Variants in GSE1 observed in about 807,000 individuals in gnomAD.
GSE1 encodes the protein Gse1 coiled-coil protein.
In GSE1, 32 loss-of-function variants were observed where a neutral mutation model predicts 112.6. The observed-to-expected ratio is 0.28, with a 90% CI of 0.21 to 0.38. The LOEUF (loss-of-function observed/expected upper bound fraction) is 0.38, where lower values mean the gene tolerates loss of function less well. Ranked by LOEUF, GSE1 falls within the 10% of genes least tolerant of loss-of-function variation. The probability of loss-of-function intolerance (pLI) is 1.00; values close to 1 mark genes in which losing one functional copy is unlikely to be tolerated. For synonymous variants in GSE1, 1,115 were observed against 735.6 expected (o/e 1.52, Z -8.35); for missense variants, 2,348 against 1,699.2 (o/e 1.38, Z -6.71).
chr16:85,262,057 A>T (rs1264023076), intron 1 of GSE1, among the ~76,000 whole-genome samples: 92 of 152,296 alleles, frequency 6.0e-4, no homozygotes, highest in African/African-American at 2.2e-3. Context: ...CAAAGGACAG[A>T]GCCTGTTTTG....
rs866350143 is a variant in GSE1 at position 85,288,571 on chromosome 16, A to G, written c.2284-68892A>G. ...CCAGCTGGGGTCAGAAAAGTTTCAA[A>G]GAAGCCTCTGATCTGAAGGAGCCTC... On this transcript the variant is annotated intron_variant, in intron 1 of 2. Transcript: ENST00000637419. Among the ~76,000 whole-genome samples, 6 of 152,258 alleles carry G rather than the reference A, an allele frequency of 3.9e-5. No homozygotes were observed. The South Asian group carries it at 1.2e-3, about 32-fold the overall frequency.
Position 85,433,121 on chromosome 16 carries a change from C to A in GSE1, c.2464+75478C>A, listed in dbSNP as rs59512399. ...AGGGAGGCTCAGCACCAGCCCCAGG[C>A]AGGTGCTCTCTTGTTCAACAGAGGG... On this transcript the variant is annotated intron_variant, in intron 2 of 2. Transcript: ENST00000637419. Among the ~76,000 whole-genome samples the A allele has an allele frequency of 4.2e-3, 636 of 152,148 alleles. 4 individuals carry two copies. The highest frequency in any genetic ancestry group is 0.015 in the African/African-American group (607 of 41,488).
At chr16:85,667,786 G>C (rs2151997438) in intron 13 of GSE1, among the ~76,000 whole-genome samples, 1 of 152,286 alleles carries the variant, frequency 6.6e-6, no homozygotes, top group Middle Eastern at 3.4e-3. Context: ...TTGAACCTGG[G>C]AGGGGAAGTT....
intron 2 of GSE1, among the ~76,000 whole-genome samples, chr16:85,495,429 TTTTA>T (rs67017375): frequency 0.39 from 55,813 of 144,852 alleles, 10,955 homozygotes; most frequent in East Asian, 0.54. Context: ...GCTGGGAACA[TTTTA>T]TTTATTTATT....
intron 2 of GSE1, among the ~76,000 whole-genome samples, chr16:85,519,552 C>CCAT (rs1277154989): frequency 0.21 from 7,408 of 34,660 alleles, 3,222 homozygotes; most frequent in East Asian, 0.39. Flanking sequence ...ACTATTACCA[C>CCAT]CATCACTATC....
chr16:85,629,128 C>T (rs2049322571), intron 1 of GSE1, among the ~76,000 whole-genome samples: 1 of 152,248 alleles, frequency 6.6e-6, no homozygotes, highest in African/African-American at 2.4e-5. Context: ...TGATTAGAAG[C>T]CTCCTGAGGC....
intron 1 of GSE1, among the ~76,000 whole-genome samples, chr16:85,330,507 T>G (rs775515630): frequency 5.3e-5 from 8 of 152,202 alleles, no homozygotes; most frequent in Non-Finnish European, 8.8e-5. Context: ...CGTGGTCGCA[T>G]GTTACAGCAG....
chr16:85,616,461 G>A (rs1419095968), intron 1 of GSE1, among the ~76,000 whole-genome samples: 3 of 152,170 alleles, frequency 2.0e-5, no homozygotes. Flanking sequence ...TGGGTTACTC[G>A]AAGTCCAAGG....
chr16:85,598,569 C>T (rs1437856306), intron 1 of GSE1, among the ~76,000 whole-genome samples: 5 of 152,250 alleles, frequency 3.3e-5, no homozygotes, highest in Non-Finnish European at 7.3e-5. Flanking sequence ...ACTTCTAATC[C>T]GTAGTGCCCG....
intron 2 of GSE1, among the ~76,000 whole-genome samples, chr16:85,376,912 G>A (rs988692141): frequency 1.3e-5 from 2 of 152,230 alleles, no homozygotes; most frequent in African/African-American, 2.4e-5. Context: ...CCGCACACCC[G>A]GCCCCGCGTT....
chr16:85,205,042 C>T (rs1288529524), intron 1 of GSE1, among the ~76,000 whole-genome samples: 1 of 139,764 alleles, frequency 7.2e-6, no homozygotes. Context: ...TGGGCATGTA[C>T]ACGTACGTCT....
chr16:85,668,679 T>G (rs1276080247), intron 14 of GSE1, among the ~76,000 whole-genome samples: 1 of 152,210 alleles, frequency 6.6e-6, no homozygotes, highest in Non-Finnish European at 1.5e-5. Context: ...ATTCTTTATG[T>G]GGGCCCTGCT....
At chr16:85,610,744 G>A (rs1224733228), upstream of GSE1, among the ~76,000 whole-genome samples, 1 of 152,228 alleles carries the variant, frequency 6.6e-6, no homozygotes, top group Non-Finnish European at 1.5e-5. Context: ...GGGTTGGGAA[G>A]GGGAGTGACT....
At chr16:85,462,803 G>A (rs1882785841) in intron 2 of GSE1, among the ~76,000 whole-genome samples, 1 of 145,486 alleles carries the variant, frequency 6.9e-6, no homozygotes, top group South Asian at 2.1e-4. Context: ...CGTGAAGCCG[G>A]GGGCGCGGGG....
At chr16:85,356,246 G>A (rs1445062578) in intron 1 of GSE1, among the ~76,000 whole-genome samples, 2 of 152,200 alleles carry the variant, frequency 1.3e-5, no homozygotes, top group Admixed American at 6.5e-5. Context: ...GTTCTTGCTC[G>A]CCTCGGGACC....
At chr16:85,625,363 C>T (rs531153719) in intron 1 of GSE1, among the ~76,000 whole-genome samples, 5 of 152,346 alleles carry the variant, frequency 3.3e-5, no homozygotes, top group East Asian at 1.9e-4. Context: ...AGTCGCAGGA[C>T]CGTCGGCTCC....
chr16:85,184,192 T>G (rs964284885), intron 1 of GSE1, among the ~76,000 whole-genome samples: 1 of 152,202 alleles, frequency 6.6e-6, no homozygotes, highest in Non-Finnish European at 1.5e-5. Flanking sequence ...TGGGAAGGGC[T>G]TCTGGACCCC....
intron 2 of GSE1, among the ~76,000 whole-genome samples, chr16:85,366,956 G>T (rs2047197575): frequency 6.6e-6 from 1 of 152,208 alleles, no homozygotes; most frequent in Admixed American, 6.5e-5. Context: ...AGGGTGGGGT[G>T]TCCCCGGGGC....
At chr16:85,239,468 G>A (rs1232515810) in intron 1 of GSE1, among the ~76,000 whole-genome samples, 3 of 152,222 alleles carry the variant, frequency 2.0e-5, no homozygotes, top group Non-Finnish European at 2.9e-5. Flanking sequence ...GCTCTGAGAA[G>A]GGACACTGAC....
Sources: allele counts gnomAD v4.1 joint callset (sites outside exome capture counted in the v4.1 genomes callset), GRCh38; gene constraint gnomAD v4.1.1; transcripts MANE v1.5; gene names NCBI Gene and HGNC (gene_info 2026-07-23, HGNC 2026-07-21).